CDH8: variants seen among roughly 807,000 people sequenced by gnomAD.
CDH8 encodes the protein cadherin 8.
A neutral mutation model predicts 68.1 loss-of-function variants in CDH8; 17 were observed. The observed-to-expected ratio is 0.25, with a 90% confidence interval of 0.17 to 0.37. The LOEUF is 0.37. Among genes scored for constraint, CDH8 ranks in the 10% least tolerant of loss-of-function variants. CDH8 has a pLI of 1.00. For missense variants in CDH8, 763 were observed against 999.3 expected, an observed-to-expected ratio of 0.76 and a Z score of 3.19; for synonymous variants, 372 against 365.1, an observed-to-expected ratio of 1.02 and a Z score of -0.21.
chr16:61,843,457 T>A (rs888135053), intron 4 of CDH8, among the ~76,000 whole-genome samples: 9 of 152,124 alleles, frequency 5.9e-5, no homozygotes, highest in African/African-American at 1.9e-4. Context: ...AGAAATGGGA[T>A]CTCAGGGATA....
At chr16:61,708,171 A>G (rs1266986053) in intron 10 of CDH8, among the ~76,000 whole-genome samples, 1 of 152,096 alleles carries the variant, frequency 6.6e-6, no homozygotes, top group Non-Finnish European at 1.5e-5. Context: ...AGCATGTACC[A>G]ATTTATTTTC....
chr16:61,785,027 A>G (rs1219341268), intron 8 of CDH8, among the ~76,000 whole-genome samples: 1 of 148,636 alleles, frequency 6.7e-6, no homozygotes, highest in Non-Finnish European at 1.5e-5. Context: ...AATTAAAAGA[A>G]CTAGAAAAGC....
At chr16:61,960,211 ATG>A (rs139997647) in intron 2 of CDH8, among the ~76,000 whole-genome samples, 994 of 33,528 alleles carry the variant, frequency 0.03, 244 homozygotes, top group Admixed American at 0.045. Flanking sequence ...ACATATATAC[ATG>A]TGTGTGTGTA....
chr16:61,933,536 A>G (rs1373411857), intron 2 of CDH8, among the ~76,000 whole-genome samples: 1 of 152,214 alleles, frequency 6.6e-6, no homozygotes, highest in Non-Finnish European at 1.5e-5. Flanking sequence ...TTTAAATTAC[A>G]TATATCTTTT....
chr16:61,979,949 A>G (rs1377483007), intron 2 of CDH8, among the ~76,000 whole-genome samples: 2 of 152,172 alleles, frequency 1.3e-5, no homozygotes, highest in East Asian at 3.9e-4. Flanking sequence ...TTTCTTAAGT[A>G]CTACTGTATA....
chr16:61,957,755 C>T (rs962174733), intron 2 of CDH8, among the ~76,000 whole-genome samples: 1 of 152,034 alleles, frequency 6.6e-6, no homozygotes, highest in Admixed American at 6.6e-5. Flanking sequence ...TGATTTTTTT[C>T]ATGTCTGGTT....
At chr16:61,817,949 G>T in intron 6 of CDH8, 1 of 442,808 alleles carries the variant, frequency 2.3e-6, no homozygotes, top group Non-Finnish European at 4.0e-6. Flanking sequence ...ATCTCCTATT[G>T]TTTTGTTTTG....
At chr16:61,865,953 T>G (rs1963245513) in intron 3 of CDH8, among the ~76,000 whole-genome samples, 1 of 152,160 alleles carries the variant, frequency 6.6e-6, no homozygotes, top group South Asian at 2.1e-4. Context: ...GAAATGTCAT[T>G]CATCCTCTAA....
chr16:61,856,977 T>C (rs934817513), intron 4 of CDH8, 142 bp downstream of exon 4: 1 of 938,978 alleles, frequency 1.1e-6, no homozygotes, highest in Non-Finnish European at 1.7e-6. Flanking sequence ...GGGCTCACTG[T>C]GTACCTCATG....
chr16:61,992,085 A>T (rs374800760), intron 2 of CDH8, among the ~76,000 whole-genome samples: 1 of 94,840 alleles, frequency 1.1e-5, no homozygotes, highest in Non-Finnish European at 2.5e-5. Context: ...TGTGAGAGAG[A>T]GAGAGAGATT....
At chr16:61,851,928 A>T (rs1441064716) in intron 4 of CDH8, among the ~76,000 whole-genome samples, 1 of 152,006 alleles carries the variant, frequency 6.6e-6, no homozygotes, top group Non-Finnish European at 1.5e-5. Context: ...AAGGTCAAAA[A>T]TTGAGGTATG....
At chr16:61,988,584 CAAAA>C (rs935954625) in intron 2 of CDH8, among the ~76,000 whole-genome samples, 5 of 148,392 alleles carry the variant, frequency 3.4e-5, no homozygotes, top group Admixed American at 3.3e-4. Context: ...CAGCAACAAA[CAAAA>C]ACAAACAAAC....
chr16:61,706,631 A>AAAAAAAAAAAAAAG (rs1964540468), intron 10 of CDH8, among the ~76,000 whole-genome samples: 1 of 151,086 alleles, frequency 6.6e-6, no homozygotes, highest in Non-Finnish European at 1.5e-5. Flanking sequence ...AAAAAAAAAA[A>AAAAAAAAAAAAAAG]AAAAAAAAAA....
At chr16:61,845,759 T>C (rs1407713994) in intron 4 of CDH8, among the ~76,000 whole-genome samples, 1 of 152,084 alleles carries the variant, frequency 6.6e-6, no homozygotes, top group Non-Finnish European at 1.5e-5. Context: ...TTCTCCTTTG[T>C]TTTATTTATA....
intron 10 of CDH8, among the ~76,000 whole-genome samples, chr16:61,663,564 T>G (rs1188997133): frequency 1.3e-5 from 2 of 152,046 alleles, no homozygotes; most frequent in African/African-American, 4.8e-5. Flanking sequence ...GGACTTGGCA[T>G]AGAGCAGGAA....
intron 8 of CDH8, among the ~76,000 whole-genome samples, chr16:61,736,333 T>C (rs1004632136): frequency 6.6e-5 from 10 of 152,140 alleles, no homozygotes; most frequent in African/African-American, 1.7e-4. Context: ...TGAGGACAAG[T>C]ATTGTTTTAT....
chr16:61,655,450 G>C lies in CDH8; in HGVS notation c.1906+20C>G. The C allele has an allele frequency of 6.2e-7, 1 of 1,613,334 alleles. No homozygotes were observed. Among genetic ancestry groups the C allele is most frequent in the Non-Finnish European group, 8.5e-7 (1 of 1,179,418 alleles). On this transcript the variant is annotated intron_variant, in intron 11 of 11. Transcript: ENST00000577390. ...GAATCAGAAAAAGGGTGACCGGTAGGCTATGAAGGAAATACGTACCTAACA... is the reference window on the plus strand; with the variant it reads ...GAATCAGAAAAAGGGTGACCGGTAGCCTATGAAGGAAATACGTACCTAACA...
At chr16:61,863,432 G>T (rs926204376) in intron 3 of CDH8, among the ~76,000 whole-genome samples, 9 of 152,148 alleles carry the variant, frequency 5.9e-5, no homozygotes, top group African/African-American at 2.2e-4. Flanking sequence ...AAGACCTTCA[G>T]GAAAATGAGA....
Position 61,742,075 on chromosome 16 carries a change from T to A in CDH8, c.1415-14860A>T, listed in dbSNP as rs563939803. 5.9e-5 allele frequency among the ~76,000 whole-genome samples: 9 copies of A among 152,274 alleles called. No individual in the cohort carries two copies. In the South Asian group the frequency reaches 1.4e-3, roughly 25 times the overall value. On this transcript the variant is annotated intron_variant, in intron 8 of 11. Coordinates refer to ENST00000577390, the MANE Select transcript of CDH8 (RefSeq NM_001796.5). The stretch of plus-strand genomic sequence containing the variant: ...TCTTTAATTTTTCTCAGTAATGTTT[T>A]GTAGTATTCTGTTTAGAGGCCTTGC...
Sources: gnomAD v4.1 joint callset for allele counts (sites outside exome capture counted in the v4.1 genomes callset) on GRCh38, gnomAD v4.1.1 for gene constraint, MANE v1.5 for transcripts, NCBI Gene and HGNC (gene_info 2026-07-23, HGNC 2026-07-21) for gene names.